SF3B3: variants seen among roughly 807,000 people sequenced by gnomAD.
SF3B3 encodes the protein splicing factor 3b subunit 3, also known as SAP 130.
A neutral mutation model predicts 139.2 loss-of-function variants in SF3B3; 33 were observed. The observed-to-expected ratio is 0.24, with a 90% CI of 0.18 to 0.32. The LOEUF is 0.32. Among genes scored for constraint, SF3B3 ranks in the 10% least tolerant of loss-of-function variants. The pLI is 1.00. For synonymous variants in SF3B3, 596 were observed against 563.6 expected, an observed-to-expected ratio of 1.06 and a Z score of -0.81; for missense variants, 818 against 1,509.4, an observed-to-expected ratio of 0.54 and a Z score of 7.59.
chr16:70,523,818 C>T lies in SF3B3; in HGVS notation c.-181C>T. 3.5e-6 allele frequency: 2 copies of T among 574,418 alleles called. No individual in the cohort carries two copies. The highest frequency in any genetic ancestry group is 6.1e-6 in the Non-Finnish European group (2 of 325,984). The allele number at this position is 574,418 out of a possible 1,614,324, so 35.6% of individuals were successfully genotyped here. On this transcript the variant is annotated 5_prime_UTR_variant, in exon 1 of 26. Transcript: ENST00000302516. Reference sequence around the variant, plus strand: ...TTTCCGCCGCGCGCCACCAGAATGTCCCTGTCTTGAGGTCTAATGGCGGAC... The same window carrying T: ...TTTCCGCCGCGCGCCACCAGAATGTTCCTGTCTTGAGGTCTAATGGCGGAC...
At chr16:70,543,827 A>T (rs925840627) in intron 9 of SF3B3, among the ~76,000 whole-genome samples, 1 of 151,416 alleles carries the variant, frequency 6.6e-6, no homozygotes, top group African/African-American at 2.4e-5. Flanking sequence ...CGATCTGAAT[A>T]ATGTTTTACT....
At chr16:70,538,561 G>A in intron 7 of SF3B3, 101 bp downstream of exon 7, 1 of 1,061,394 alleles carries the variant, frequency 9.4e-7, no homozygotes, top group Non-Finnish European at 1.4e-6. Flanking sequence ...TTAGAAAGTA[G>A]TTGCCCTTGG....
chr16:70,568,194 C>T, intron 21 of SF3B3, 89 bp from the exon 22 acceptor site: 1 of 984,960 alleles, frequency 1.0e-6, no homozygotes, highest in Non-Finnish European at 1.6e-6. Flanking sequence ...TCTGCTGACC[C>T]TACGTATGTC....
chr16:70,565,212 C>T lies in SF3B3; in HGVS notation c.2611C>T (p.Pro871Ser). Residue 871 changes from proline (P) to serine (S), a missense_variant, in exon 19 of 26, where the codon CCC (proline) becomes TCC (serine). This residue lies in a region of SF3B3 where 145 missense variants were observed against 153.6 expected (regional missense o/e 0.94). Transcript: ENST00000302516. Reference protein sequence around the residue: ...QWASVIRVMNPIQGNTLDLVQ... With the variant: ...QWASVIRVMNSIQGNTLDLVQ... ...GGCCTCTGTGATCCGAGTGATGAAT[C>T]CCATTCAAGGGAACACACTGGACCT... is the stretch of plus-strand genomic sequence containing the variant. 1 of 1,614,160 alleles carries T rather than the reference C, an allele frequency of 6.2e-7. No individual in the cohort carries two copies. The highest frequency in any genetic ancestry group is 8.5e-7 in the Non-Finnish European group (1 of 1,180,030).
Position 70,571,132 on chromosome 16 carries a change from G to C in SF3B3, c.3446G>C (p.Arg1149Pro). The C allele has an allele frequency of 6.2e-7, 1 of 1,613,962 alleles. No individual in the cohort carries two copies. The highest frequency in any genetic ancestry group is 1.1e-5 in the South Asian group (1 of 91,056). Reference sequence around the variant, plus strand: ...TTCCAGCATGTGGAAATGCACCTGCGGTCTGAACATCCCCCTCTCTGTGGG... The same window carrying C: ...TTCCAGCATGTGGAAATGCACCTGCCGTCTGAACATCCCCCTCTCTGTGGG... ...DFFQHVEMHL[R>P]SEHPPLCGRD... Residue 1149 changes from arginine (R) to proline (P), a missense_variant, in exon 25 of 26, where the codon CGG becomes CCG. By Grantham distance (103) the Arg-to-Pro change is moderately radical. Around this residue, in one of 14 missense-constraint regions of SF3B3, gnomAD observed 44 missense variants for 40.4 expected, o/e 1.09. Coordinates refer to ENST00000302516, the MANE Select transcript of SF3B3 (RefSeq NM_012426.5).
At chr16:70,555,313 A>T (rs2050368979) in intron 13 of SF3B3, 107 bp downstream of exon 13, 1 of 1,083,022 alleles carries the variant, frequency 9.2e-7, no homozygotes, top group African/African-American at 1.6e-5. Flanking sequence ...TCCTGTCTCT[A>T]CTAAAAATAC....
At chr16:70,556,404 C>T in intron 14 of SF3B3, 70 bp downstream of exon 14, 1 of 1,527,490 alleles carries the variant, frequency 6.5e-7, no homozygotes, top group Non-Finnish European at 9.1e-7. Context: ...ATGTCTATCT[C>T]TGAGATCCAC....
At chr16:70,544,288 C>A in intron 9 of SF3B3, 150 bp from the exon 10 acceptor site, 2 of 595,772 alleles carry the variant, frequency 3.4e-6, no homozygotes, top group Non-Finnish European at 6.0e-6. Flanking sequence ...TTTGTCAAAA[C>A]TACAATACAG....
chr16:70,563,996 C>A lies in SF3B3; in HGVS notation c.2409C>A (p.Asp803Glu). The change falls in exon 18 of 26, where the codon GAC becomes GAA. Residue 803 changes from aspartate to glutamate, a missense_variant. Asp to Glu is a conservative substitution (Grantham distance 45). Coordinates refer to ENST00000302516, the MANE Select transcript of SF3B3 (RefSeq NM_012426.5). ...ACAACCTTATTATCATTGAAACGGACCACAATGCCTACACTGAGGCCACGA... is the reference window on the plus strand; with the variant it reads ...ACAACCTTATTATCATTGAAACGGAACACAATGCCTACACTGAGGCCACGA... ...ESNNLIIIET[D>E]HNAYTEATKA... The A allele has an allele frequency of 6.2e-7, 1 of 1,614,084 alleles. No homozygotes were observed. The highest frequency in any genetic ancestry group is 8.5e-7 in the Non-Finnish European group (1 of 1,180,028).
intron 16 of SF3B3, 33 bp from the exon 17 acceptor site, chr16:70,561,597 C>T (rs2050429589): frequency 6.2e-7 from 1 of 1,602,440 alleles, no homozygotes; most frequent in Non-Finnish European, 8.5e-7. Flanking sequence ...TTTCCCAAAC[C>T]TTATTGGAGC....
rs868772750 is a variant in SF3B3 at position 70,535,340 on chromosome 16, C to T, written c.745C>T (p.Leu249=). The T allele has an allele frequency of 1.9e-6, 3 of 1,609,760 alleles. No homozygotes were observed. In the Middle Eastern group the frequency reaches 5.0e-4, roughly 266 times the overall value. ...PGGSDGPSGV[L]ICSENYITYK... is the part of the protein sequence containing the mutation. ...AGGGTCAGATGGTCCAAGTGGAGTA[C>T]TGATCTGCTCTGAAAACTATATTAC... Residue 249 remains leucine (L), a synonymous_variant, in exon 6 of 26, where the codon CTG becomes TTG. Transcript: ENST00000302516.
At chr16:70,556,717 C>A (rs2050382409) in intron 14 of SF3B3, 169 bp from the exon 15 acceptor site, 4 of 671,356 alleles carry the variant, frequency 6.0e-6, no homozygotes, top group South Asian at 5.8e-5. Flanking sequence ...GAAGCTTATT[C>A]TGAAATTGGG....
chr16:70,565,588 T>G, intron 20 of SF3B3, 64 bp downstream of exon 20: 2 of 1,492,360 alleles, frequency 1.3e-6, no homozygotes, highest in East Asian at 4.5e-5. Context: ...CTTTTGCTTA[T>G]GTTATGGATC....
intron 5 of SF3B3, among the ~76,000 whole-genome samples, 189 bp from the exon 6 acceptor site, chr16:70,535,119 T>C (rs2050154200): frequency 6.6e-6 from 1 of 152,200 alleles, no homozygotes; most frequent in Non-Finnish European, 1.5e-5. Flanking sequence ...AGACCAAACC[T>C]TCCATGTAAA....
At chr16:70,541,872 A>G in intron 9 of SF3B3, 38 bp downstream of exon 9, 1 of 1,556,474 alleles carries the variant, frequency 6.4e-7, no homozygotes, top group Non-Finnish European at 8.8e-7. Context: ...CAATAGATCT[A>G]AAGTTAAACT....
At chr16:70,553,020 G>T (rs961059763) in intron 11 of SF3B3, among the ~76,000 whole-genome samples, 2 of 152,064 alleles carry the variant, frequency 1.3e-5, no homozygotes, top group African/African-American at 4.8e-5. Flanking sequence ...AGGCAATTCT[G>T]CTCAGCCTCC....
At chr16:70,554,381 GT>G in intron 11 of SF3B3, 64 bp from the exon 12 acceptor site, 1 of 1,504,798 alleles carries the variant, frequency 6.6e-7, no homozygotes, top group Non-Finnish European at 9.2e-7. Context: ...AACTCTTAGT[GT>G]TTCATTTGGC....
At chr16:70,557,101 A>C (rs2050385977) in intron 15 of SF3B3, 72 bp downstream of exon 15, 6 of 1,459,778 alleles carry the variant, frequency 4.1e-6, no homozygotes, top group Non-Finnish European at 4.6e-6. Flanking sequence ...TTGTTTGATA[A>C]CAGGGATTTT....
In SF3B3 at chr16:70,568,304, G is replaced by A. The variant is rs936545896; in HGVS notation, c.2974G>A (p.Gly992Arg). Reference sequence around the variant, plus strand: ...CCAGCATATTGCCAATTATATCTCTGGGATCCAGACTATCGGACATAGGGT... The same window carrying A: ...CCAGCATATTGCCAATTATATCTCTAGGATCCAGACTATCGGACATAGGGT... ...ENKHIANYIS[G>R]IQTIGHRVIV... Residue 992 changes from glycine to arginine, a missense_variant, in exon 22 of 26, where the codon GGG becomes AGG. By Grantham distance (125) the Gly-to-Arg change is moderately radical. Transcript: ENST00000302516. 6.2e-7 allele frequency: 1 copy of A among 1,612,254 alleles called. No homozygotes were observed. The highest frequency in any genetic ancestry group is 1.3e-5 in the African/African-American group (1 of 74,872).
Sources: gnomAD v4.1 joint callset for allele counts (sites outside exome capture counted in the v4.1 genomes callset) on GRCh38, gnomAD v4.1.1 for gene constraint, gnomAD v4.1.1 regional missense constraint, MANE v1.5 for transcripts, NCBI Gene and HGNC (gene_info 2026-07-23, HGNC 2026-07-21) for gene names.